LRPPRC: variants seen among roughly 807,000 people sequenced by gnomAD.
The protein encoded by LRPPRC is leucine rich pentatricopeptide repeat containing.
A neutral mutation model predicts 180.3 loss-of-function variants in LRPPRC; 120 were observed. The observed-to-expected ratio is 0.67, with a 90% CI of 0.57 to 0.77. The LOEUF (loss-of-function observed/expected upper bound fraction) is 0.77, where lower values mean the gene tolerates loss of function less well. Ranked by LOEUF, LRPPRC falls within the 30% of genes least tolerant of loss-of-function variation. The pLI, the probability that LRPPRC is intolerant of heterozygous loss-of-function variation, is 0.00. For synonymous variants in LRPPRC, 723 were observed against 600.0 expected (o/e 1.21, Z -3.00); for missense variants, 2,012 against 1,657.2 (o/e 1.21, Z -3.72).
intron 11 of LRPPRC, among the ~76,000 whole-genome samples, chr2:43,965,040 C>T (rs571587086): frequency 2.0e-5 from 3 of 152,094 alleles, no homozygotes; most frequent in Admixed American, 6.5e-5. Context: ...ATTGCTCGGT[C>T]GCCCAAGCTG....
In LRPPRC at chr2:43,946,135, C is replaced by T; in HGVS notation, c.2188G>A (p.Ala730Thr). The T allele has an allele frequency of 6.2e-7, 1 of 1,612,576 alleles. No homozygotes were observed. Residue 730 changes from alanine (A) to threonine (T), a missense_variant, in exon 21 of 38, where the codon GCC becomes ACC. By Grantham distance (58) the Ala-to-Thr change is moderately conservative. Transcript: ENST00000260665. ...CACAATTCTTCTTTCAAGTTCAAGG[C>T]ATCTTCTACTTTATCATGTCGACAG... ...LCCRHDKVED[A>T]LNLKEEFDRL...
chr2:43,947,356 T>C lies in LRPPRC; in HGVS notation c.1980A>G (p.Thr660=), dbSNP rs1313015011. 7 of 1,569,482 alleles carry C rather than the reference T, an allele frequency of 4.5e-6. No homozygotes were observed. The highest frequency in any genetic ancestry group is 4.4e-6 in the Non-Finnish European group (5 of 1,140,376). ...NLDFQKTVQL[T]SSELESTLET... ...CAAGTGTGGACTCCAATTCAGATGA[T>C]GTAAGTTGCACAGTCTACAGAAAAG... The change falls in exon 20 of 38, where the codon ACA becomes ACG. Residue 660 remains threonine, a synonymous_variant. Transcript: ENST00000260665.
At chr2:43,891,705 A>G (rs1670498346) in intron 36 of LRPPRC, among the ~76,000 whole-genome samples, 1 of 152,012 alleles carries the variant, frequency 6.6e-6, no homozygotes, top group Admixed American at 6.6e-5. Context: ...CCAATTAAAA[A>G]CCCTATTATA....
intron 27 of LRPPRC, among the ~76,000 whole-genome samples, chr2:43,924,314 C>T (rs973646766): frequency 9.2e-5 from 14 of 152,098 alleles, no homozygotes; most frequent in African/African-American, 3.4e-4. Flanking sequence ...AATGTGTACA[C>T]TAGTATAAAA....
chr2:43,932,359 G>C (rs1005904443), intron 25 of LRPPRC, among the ~76,000 whole-genome samples: 4 of 152,028 alleles, frequency 2.6e-5, no homozygotes, highest in African/African-American at 7.2e-5. Flanking sequence ...CAACCATAGT[G>C]AATCTACCCA....
chr2:43,937,944 T>C (rs1476744483), intron 23 of LRPPRC, among the ~76,000 whole-genome samples: 1 of 152,194 alleles, frequency 6.6e-6, no homozygotes, highest in Admixed American at 6.5e-5. Flanking sequence ...TGTGAATTTC[T>C]TTGAGCACTA....
chr2:43,975,652 G>C (rs1035976754), intron 6 of LRPPRC, among the ~76,000 whole-genome samples: 1 of 150,630 alleles, frequency 6.6e-6, no homozygotes, highest in African/African-American at 2.4e-5. Flanking sequence ...GTGTAATCTC[G>C]GCTCACTGCA....
intron 37 of LRPPRC, 30 bp from the exon 38 acceptor site, chr2:43,888,686 G>A (rs1670361202): frequency 8.0e-7 from 1 of 1,256,508 alleles, no homozygotes; most frequent in Non-Finnish European, 1.2e-6. Context: ...AGGGAAGTTA[G>A]AGATACCAGC....
intron 29 of LRPPRC, among the ~76,000 whole-genome samples, chr2:43,912,832 T>TAA (rs1320722281): frequency 2.0e-5 from 3 of 152,198 alleles, no homozygotes; most frequent in Non-Finnish European, 4.4e-5. Flanking sequence ...CTTAAGTTGA[T>TAA]ACATTATTTT....
At chr2:43,903,841 G>C (rs1172224512) in intron 31 of LRPPRC, 1 of 152,166 alleles carries the variant, frequency 6.6e-6, no homozygotes, top group East Asian at 1.9e-4. Context: ...AGAAACAAAA[G>C]CTATTTATGA....
chr2:43,983,560 C>A (rs747425425), intron 1 of LRPPRC, among the ~76,000 whole-genome samples: 1 of 152,116 alleles, frequency 6.6e-6, no homozygotes, highest in Non-Finnish European at 1.5e-5. Context: ...TCACTTTTAA[C>A]AAATGATTTC....
chr2:43,889,924 C>T (rs760764791), intron 36 of LRPPRC, 48 bp from the exon 37 acceptor site: 1 of 1,445,700 alleles, frequency 6.9e-7, no homozygotes, highest in Admixed American at 1.7e-5. Flanking sequence ...GACAACCTAT[C>T]TTACTCTTTT....
chr2:43,900,026 T>A (rs1225647226), intron 32 of LRPPRC, among the ~76,000 whole-genome samples: 1 of 152,216 alleles, frequency 6.6e-6, no homozygotes, highest in African/African-American at 2.4e-5. Context: ...GATCCACAAC[T>A]TGTCACTACT....
intron 1 of LRPPRC, among the ~76,000 whole-genome samples, chr2:43,991,137 C>G (rs1430420502): frequency 1.3e-5 from 2 of 151,522 alleles, no homozygotes; most frequent in African/African-American, 4.8e-5. Flanking sequence ...TCATGCCATT[C>G]TCCCACCTCA....
chr2:43,925,029 GAATAA>G, intron 27 of LRPPRC, 33 bp downstream of exon 27: 3 of 1,181,230 alleles, frequency 2.5e-6, no homozygotes, highest in Non-Finnish European at 2.5e-6. Context: ...GCCTTCAACA[GAATAA>G]ATGAAAGCGT....
At chr2:43,907,401 T>G (rs1671098591) in intron 30 of LRPPRC, among the ~76,000 whole-genome samples, 1 of 152,202 alleles carries the variant, frequency 6.6e-6, no homozygotes, top group Non-Finnish European at 1.5e-5. Flanking sequence ...TTGGAATCAT[T>G]TATACAATAT....
chr2:43,956,963 T>C (rs1436466835), intron 14 of LRPPRC, among the ~76,000 whole-genome samples: 2 of 152,230 alleles, frequency 1.3e-5, no homozygotes, highest in African/African-American at 4.8e-5. Context: ...TTTATGTTTA[T>C]CTATTTTCAA....
rs745696250 is a variant in LRPPRC, at chr2:43,886,450, A to C, written c.*2150T>G. On this transcript the variant is annotated 3_prime_UTR_variant, in exon 38 of 38. Coordinates refer to ENST00000260665, the MANE Select transcript of LRPPRC (RefSeq NM_133259.4). ...TAGCTATTAGATATTTAGAACACTC[A>C]TAAGCCCACCTACAGTATAGTTATT... 6.6e-6 allele frequency: 1 copy of C among 152,242 alleles called. No individual in the cohort carries two copies. Among genetic ancestry groups the C allele is most frequent in the Non-Finnish European group, 1.5e-5 (1 of 68,046 alleles). The allele number at this position is 152,242 out of a possible 1,614,324, so 9.4% of individuals were successfully genotyped here.
chr2:43,921,164 T>G (rs529570385), intron 27 of LRPPRC, among the ~76,000 whole-genome samples: 1 of 152,194 alleles, frequency 6.6e-6, no homozygotes, highest in African/African-American at 2.4e-5. Flanking sequence ...TGGTGGTGCA[T>G]GCCTATAATC....
Sources: allele counts gnomAD v4.1 joint callset (sites outside exome capture counted in the v4.1 genomes callset), GRCh38; gene constraint gnomAD v4.1.1; transcripts MANE v1.5; gene names NCBI Gene and HGNC (gene_info 2026-07-23, HGNC 2026-07-21).